The following ULK4 variants were observed in gnomAD, a reference collection of about 807,000 sequenced individuals.
The protein encoded by ULK4 is unc-51 like kinase 4, also known as inactive serine/threonine-protein kinase ULK4.
Under a neutral mutation model 160.6 loss-of-function variants are expected in ULK4, and 133 were observed. That is an observed-to-expected ratio of 0.83 (90% confidence interval 0.72 to 0.96). The LOEUF (loss-of-function observed/expected upper bound fraction) is 0.96. Ranked by LOEUF, ULK4 falls within the 40% of genes least tolerant of loss-of-function variation. The pLI is 0.00. For missense variants in ULK4, 1,580 were observed against 1,499.5 expected, an observed-to-expected ratio of 1.05 and a Z score of -0.89; for synonymous variants, 534 against 539.8, an observed-to-expected ratio of 0.99 and a Z score of 0.15.
intron 32 of ULK4, among the ~76,000 whole-genome samples, chr3:41,475,792 T>C (rs1180280454): frequency 6.6e-6 from 1 of 152,108 alleles, no homozygotes; most frequent in African/African-American, 2.4e-5. Flanking sequence ...CATGTTGCAT[T>C]TTCCCACATA....
In ULK4 at chr3:41,305,829, G is replaced by A. The variant is rs1251350380; in HGVS notation, c.3679-56255C>T. Among the ~76,000 whole-genome samples the A allele has an allele frequency of 8.1e-5, 12 of 148,600 alleles. No homozygotes were observed. In the East Asian group the frequency reaches 8.1e-4, roughly 10 times the overall value. Reference sequence around the variant, plus strand: ...TAGGAAGTGAGGAGCGTCTCTGCCCGGCCGCCCATAGTCTGAGATGTGGGG... The same window carrying A: ...TAGGAAGTGAGGAGCGTCTCTGCCCAGCCGCCCATAGTCTGAGATGTGGGG... On this transcript the variant is annotated intron_variant, in intron 35 of 36. Transcript: ENST00000301831.
intron 22 of ULK4, among the ~76,000 whole-genome samples, chr3:41,723,915 A>C (rs2037559765): frequency 6.6e-6 from 1 of 152,198 alleles, no homozygotes; most frequent in African/African-American, 2.4e-5. Flanking sequence ...TTCTTTGGCA[A>C]AACTAAATAG....
intron 34 of ULK4, among the ~76,000 whole-genome samples, chr3:41,426,067 A>G (rs1269635299): frequency 6.6e-6 from 1 of 152,244 alleles, no homozygotes; most frequent in Admixed American, 6.5e-5. Context: ...GTAGGCTCAA[A>G]TAAAGGGATG....
chr3:41,671,123 T>A (rs556052427), intron 29 of ULK4, among the ~76,000 whole-genome samples: 1 of 152,160 alleles, frequency 6.6e-6, no homozygotes, highest in South Asian at 2.1e-4. Context: ...TGCTCACAGA[T>A]CAGAAAAATT....
chr3:41,659,968 C>T (rs1642790000), intron 30 of ULK4, among the ~76,000 whole-genome samples: 1 of 151,908 alleles, frequency 6.6e-6, no homozygotes, highest in African/African-American at 2.4e-5. Flanking sequence ...GGCAGAAAAA[C>T]ATATGTAACA....
chr3:41,873,596 C>T (rs1400403572), intron 17 of ULK4, among the ~76,000 whole-genome samples: 3 of 152,110 alleles, frequency 2.0e-5, no homozygotes, highest in Non-Finnish European at 4.4e-5. Flanking sequence ...CTCTGTCGCC[C>T]AGGCTAGAGC....
chr3:41,789,532 TG>T, intron 21 of ULK4, 128 bp downstream of exon 21: 1 of 803,956 alleles, frequency 1.2e-6, no homozygotes, highest in Non-Finnish European at 1.8e-6. Context: ...TACAAAGGTT[TG>T]GCAAAGTTCA....
chr3:41,300,783 A>G (rs1219776240), intron 35 of ULK4, among the ~76,000 whole-genome samples: 2 of 144,740 alleles, frequency 1.4e-5, no homozygotes, highest in Admixed American at 7.0e-5. Flanking sequence ...TGAAGTTTAC[A>G]AAAGAGTTAA....
chr3:41,923,696 G>C (rs999134584), intron 5 of ULK4, among the ~76,000 whole-genome samples: 2 of 152,216 alleles, frequency 1.3e-5, no homozygotes, highest in African/African-American at 4.8e-5. Flanking sequence ...TTGAAGGACA[G>C]TGAAGCACAA....
intron 21 of ULK4, among the ~76,000 whole-genome samples, chr3:41,755,428 C>T (rs1301340615): frequency 2.0e-5 from 3 of 152,112 alleles, no homozygotes; most frequent in Non-Finnish European, 2.9e-5. Flanking sequence ...TCACCTACTT[C>T]CTGAACCAAA....
At chr3:41,388,426 GT>G (rs1391583051) in intron 35 of ULK4, among the ~76,000 whole-genome samples, 1 of 151,966 alleles carries the variant, frequency 6.6e-6, no homozygotes, top group African/African-American at 2.4e-5. Flanking sequence ...TGCTTTTGGT[GT>G]TTTAGACATG....
chr3:41,924,262 TAGAC>T (rs1699298489), intron 5 of ULK4, among the ~76,000 whole-genome samples: 1 of 152,188 alleles, frequency 6.6e-6, no homozygotes, highest in Non-Finnish European at 1.5e-5. Context: ...TCGCCATACT[TAGAC>T]AGTGAATTCT....
chr3:41,313,194 G>T (rs1243453665), intron 35 of ULK4, among the ~76,000 whole-genome samples: 1 of 152,076 alleles, frequency 6.6e-6, no homozygotes, highest in African/African-American at 2.4e-5. Context: ...AAGTAGGAAG[G>T]CATTTAGTGG....
intron 32 of ULK4, among the ~76,000 whole-genome samples, chr3:41,503,240 C>T (rs2085271474): frequency 6.6e-6 from 1 of 152,190 alleles, no homozygotes; most frequent in Non-Finnish European, 1.5e-5. Flanking sequence ...GAAAGTAAGG[C>T]TTTTCTCGGC....
At chr3:41,340,656 T>C (rs2080662426) in intron 35 of ULK4, among the ~76,000 whole-genome samples, 2 of 152,242 alleles carry the variant, frequency 1.3e-5, no homozygotes, top group East Asian at 1.9e-4. Flanking sequence ...TAGCCATTTA[T>C]GGCCAGGAGC....
intron 17 of ULK4, among the ~76,000 whole-genome samples, chr3:41,877,815 C>G (rs1697364667): frequency 6.6e-6 from 1 of 151,814 alleles, no homozygotes; most frequent in African/African-American, 2.4e-5. Context: ...AACCCCATCT[C>G]TACTAAAAAT....
chr3:41,522,704 A>T (rs1027986097), intron 32 of ULK4, among the ~76,000 whole-genome samples: 10 of 152,156 alleles, frequency 6.6e-5, no homozygotes, highest in Admixed American at 5.2e-4. Context: ...AAAATGAAAC[A>T]ACTGCTTGAA....
At chr3:41,571,389 T>C (rs890821091) in intron 31 of ULK4, among the ~76,000 whole-genome samples, 3 of 152,220 alleles carry the variant, frequency 2.0e-5, no homozygotes, top group Admixed American at 6.5e-5. Flanking sequence ...TTAAGCATAC[T>C]TCTATTAACT....
At chr3:41,822,033 T>A (rs1276131707) in intron 18 of ULK4, among the ~76,000 whole-genome samples, 1 of 152,194 alleles carries the variant, frequency 6.6e-6, no homozygotes, top group East Asian at 1.9e-4. Context: ...CTCAGAATCC[T>A]GTTTTCAGTC....
Sources: gnomAD v4.1 joint callset for allele counts (sites outside exome capture counted in the v4.1 genomes callset) on GRCh38, gnomAD v4.1.1 for gene constraint, MANE v1.5 for transcripts, NCBI Gene and HGNC (gene_info 2026-07-23, HGNC 2026-07-21) for gene names.